The following CCNI variants were observed in gnomAD, a reference collection of about 807,000 sequenced individuals.
CCNI encodes the protein cyclin I.
Under a neutral mutation model 34.1 loss-of-function variants are expected in CCNI, and 14 were observed. The ratio of observed to expected loss-of-function variants is 0.41; its 90% CI spans 0.27 to 0.64. CCNI has a LOEUF of 0.64. Ranked by LOEUF, CCNI falls within the 30% of genes least tolerant of loss-of-function variation. The pLI is 0.31. For missense variants in CCNI, 385 were observed against 440.5 expected, an observed-to-expected ratio of 0.87 and a Z score of 1.13; for synonymous variants, 154 against 158.4, an observed-to-expected ratio of 0.97 and a Z score of 0.21.
Position 77,075,637 on chromosome 4 carries a change from A to C in CCNI, c.-209T>G. 1 of 908,506 alleles carries C rather than the reference A, an allele frequency of 1.1e-6. No homozygotes were observed. The highest frequency in any genetic ancestry group is 5.1e-5 in the South Asian group (1 of 19,746). The allele number at this position is 908,506 out of a possible 1,614,324, so 56.3% of individuals were successfully genotyped here. A position where few individuals can be genotyped will look rare whatever the true frequency, so the allele number is the denominator to read the frequency against. On this transcript the variant is annotated 5_prime_UTR_variant, in exon 1 of 7. Coordinates refer to ENST00000237654, the MANE Select transcript of CCNI (RefSeq NM_006835.3). ...CTGAGGAGGGAGAAAGGGGAAGCGG[A>C]TCGGGGGGCGCGGGCGCGGGCGCTG...
chr4:77,057,673 G>A (rs981272918), intron 3 of CCNI, among the ~76,000 whole-genome samples: 3 of 152,162 alleles, frequency 2.0e-5, no homozygotes, highest in Non-Finnish European at 2.9e-5. Flanking sequence ...CCAATGACAT[G>A]GCAATGGGGA....
chr4:77,062,805 C>T (rs189355901), intron 2 of CCNI, among the ~76,000 whole-genome samples: 18 of 152,226 alleles, frequency 1.2e-4, no homozygotes, highest in South Asian at 2.1e-4. Flanking sequence ...CCACTTTGAC[C>T]AGTTTCAATG....
intron 1 of CCNI, among the ~76,000 whole-genome samples, chr4:77,072,195 CTTGTT>C (rs1335856092): frequency 6.6e-6 from 1 of 151,940 alleles, no homozygotes; most frequent in Non-Finnish European, 1.5e-5. Context: ...GGAATGCAAG[CTTGTT>C]TTAAGATTCA....
intron 1 of CCNI, among the ~76,000 whole-genome samples, chr4:77,067,718 C>A (rs368912814): frequency 7.1e-6 from 1 of 140,974 alleles, no homozygotes; most frequent in African/African-American, 2.7e-5. Flanking sequence ...CCCAGCCTCA[C>A]GCAGTCCTCC....
chr4:77,056,426 T>G lies in CCNI; in HGVS notation c.244-103A>C, dbSNP rs4252893. 0.018 allele frequency: 13,473 copies of G among 740,198 alleles called. 1,260 individuals are homozygous for G. The African/African-American group carries it at 0.2, about 11-fold the overall frequency. The allele number at this position is 740,198 out of a possible 1,614,324, so 45.9% of individuals were successfully genotyped here. ...CCTAGATATGCAGATGAGACAGGTA[T>G]ACACAAAATACTATGGAATTCAATT... On this transcript the variant is annotated intron_variant, in intron 3 of 6. Transcript: ENST00000237654.
chr4:77,049,207 T>C (rs1727674498), intron 6 of CCNI, among the ~76,000 whole-genome samples: 1 of 152,150 alleles, frequency 6.6e-6, no homozygotes. Context: ...TAGAAAATAG[T>C]AGACTTAGCA....
chr4:77,073,005 T>C (rs2109854953), intron 1 of CCNI, among the ~76,000 whole-genome samples: 1 of 152,316 alleles, frequency 6.6e-6, no homozygotes, highest in South Asian at 2.1e-4. Flanking sequence ...GTAAAGCACA[T>C]TTTGAGTTGA....
At chr4:77,062,210 T>C (rs904818771) in intron 2 of CCNI, among the ~76,000 whole-genome samples, 4 of 152,226 alleles carry the variant, frequency 2.6e-5, no homozygotes, top group Non-Finnish European at 5.9e-5. Context: ...TAATTCAAGT[T>C]GGGCTGAGTA....
intron 1 of CCNI, among the ~76,000 whole-genome samples, chr4:77,069,010 G>A (rs1432995060): frequency 6.6e-6 from 1 of 152,088 alleles, no homozygotes; most frequent in African/African-American, 2.4e-5. Flanking sequence ...AAATAGAGAG[G>A]AAAAAGAACT....
intron 2 of CCNI, among the ~76,000 whole-genome samples, chr4:77,060,420 A>C (rs1157706005): frequency 6.6e-6 from 1 of 152,242 alleles, no homozygotes; most frequent in Non-Finnish European, 1.5e-5. Context: ...GTTAACAATT[A>C]GTCATGAAAG....
chr4:77,074,958 CCCCA>C (rs1468692044), intron 1 of CCNI: 3 of 139,250 alleles, frequency 2.2e-5, no homozygotes, highest in Non-Finnish European at 4.7e-5. Context: ...CCCGGATTCC[CCCCA>C]CCCACCCGCC....
intron 6 of CCNI, among the ~76,000 whole-genome samples, 183 bp from the exon 7 acceptor site, chr4:77,048,845 A>G (rs767377709): frequency 3.3e-5 from 5 of 152,066 alleles, no homozygotes; most frequent in Non-Finnish European, 7.4e-5. Flanking sequence ...TCATCTTAGA[A>G]ATTAGGTCCA....
intron 1 of CCNI, among the ~76,000 whole-genome samples, chr4:77,074,350 T>C (rs1051447708): frequency 1.3e-5 from 2 of 152,248 alleles, no homozygotes; most frequent in African/African-American, 2.4e-5. Flanking sequence ...TTAGCCAATC[T>C]ACATCTATTC....
chr4:77,073,873 C>G (rs546280825), intron 1 of CCNI, among the ~76,000 whole-genome samples: 3 of 152,202 alleles, frequency 2.0e-5, no homozygotes, highest in Non-Finnish European at 4.4e-5. Flanking sequence ...AATAGCTTCA[C>G]TTGTAAACAG....
intron 6 of CCNI, among the ~76,000 whole-genome samples, chr4:77,049,915 T>C (rs1727714503): frequency 6.6e-6 from 1 of 152,134 alleles, no homozygotes; most frequent in African/African-American, 2.4e-5. Context: ...TACAGCATTG[T>C]CAAAATAACC....
rs999548457 is a variant in CCNI at position 77,066,246 on chromosome 4, T to C, written c.114+3A>G. ...TCATCTGTCTTAAGAGAAAAATCAT[T>C]ACCTGATTTGAAGGCATTTTCCGCA... On this transcript the variant is annotated splice_donor_region_variant and intron_variant, in intron 2 of 6. Coordinates refer to ENST00000237654, the MANE Select transcript of CCNI (RefSeq NM_006835.3). 3 of 1,611,342 alleles carry C rather than the reference T, an allele frequency of 1.9e-6. No homozygotes were observed. In the South Asian group the frequency reaches 3.3e-5, roughly 18 times the overall value.
intron 2 of CCNI, among the ~76,000 whole-genome samples, chr4:77,061,829 C>A (rs1293263531): frequency 5.9e-5 from 9 of 152,128 alleles, no homozygotes; most frequent in Non-Finnish European, 1.5e-5. Context: ...GCCACCACAC[C>A]CAGCTAATTT....
chr4:77,054,969 G>C (rs898668762), intron 6 of CCNI, among the ~76,000 whole-genome samples, 181 bp downstream of exon 6: 1 of 152,004 alleles, frequency 6.6e-6, no homozygotes, highest in African/African-American at 2.4e-5. Context: ...TACTATATAA[G>C]TTTTATATGA....
intron 1 of CCNI, among the ~76,000 whole-genome samples, chr4:77,072,452 CAAAAAAAAAAAA>C (rs11327592): frequency 1.6e-5 from 1 of 62,230 alleles, no homozygotes; most frequent in South Asian, 6.1e-4. Flanking sequence ...CTGTCTCCAC[CAAAAAAAAAAAA>C]AAAAAAAAAA....
Sources: gnomAD v4.1 joint callset for allele counts (sites outside exome capture counted in the v4.1 genomes callset) on GRCh38, gnomAD v4.1.1 for gene constraint, MANE v1.5 for transcripts, NCBI Gene and HGNC (gene_info 2026-07-23, HGNC 2026-07-21) for gene names.